SPATA17: variants seen among roughly 807,000 people sequenced by gnomAD.
The protein encoded by SPATA17 is spermatogenesis associated 17, also known as spermatogenesis-associated protein 17.
In SPATA17, 53 loss-of-function variants were observed where a neutral mutation model predicts 62.2. The observed-to-expected ratio is 0.85, with a 90% CI of 0.68 to 1.07. The LOEUF is 1.07. Ranked by LOEUF, SPATA17 falls within the 50% of genes least tolerant of loss-of-function variation. The pLI is 0.00. For missense variants in SPATA17, 466 were observed against 425.5 expected (o/e 1.10, Z -0.84); for synonymous variants, 146 against 146.8 (o/e 0.99, Z 0.04).
At chr1:217,801,670 A>C in intron 8 of SPATA17, 48 bp from the exon 9 acceptor site, 1 of 1,501,162 alleles carries the variant, frequency 6.7e-7, no homozygotes, top group South Asian at 1.2e-5. Flanking sequence ...TAAAAATCAA[A>C]TGTCTCTAGA....
chr1:217,771,442 A>G (rs1673442808), intron 6 of SPATA17, among the ~76,000 whole-genome samples: 1 of 152,158 alleles, frequency 6.6e-6, no homozygotes, highest in African/African-American at 2.4e-5. Context: ...ACCATTATTC[A>G]TAAGTGGCTT....
intron 5 of SPATA17, among the ~76,000 whole-genome samples, chr1:217,709,958 G>A (rs1027278641): frequency 6.6e-5 from 10 of 152,164 alleles, no homozygotes; most frequent in Admixed American, 2.6e-4. Flanking sequence ...GAAAGATCTA[G>A]TCCAATCCTC....
intron 5 of SPATA17, among the ~76,000 whole-genome samples, chr1:217,700,769 T>TTC (rs1671578747): frequency 6.7e-6 from 1 of 149,210 alleles, no homozygotes; most frequent in African/African-American, 2.4e-5. Flanking sequence ...TTTCTTTTTT[T>TTC]TTTTTTTTGT....
chr1:217,743,949 C>A (rs1418578698), intron 6 of SPATA17, among the ~76,000 whole-genome samples: 2 of 151,978 alleles, frequency 1.3e-5, no homozygotes, highest in African/African-American at 4.8e-5. Context: ...TTTGTTAATT[C>A]TGTTTTTTTC....
chr1:217,700,262 A>G (rs1671563588), intron 5 of SPATA17, among the ~76,000 whole-genome samples: 1 of 152,008 alleles, frequency 6.6e-6, no homozygotes, highest in Admixed American at 6.6e-5. Flanking sequence ...GAATTGATTC[A>G]TTTTCTTTTA....
chr1:217,807,226 G>A (rs768833777), intron 9 of SPATA17, among the ~76,000 whole-genome samples: 1 of 140,322 alleles, frequency 7.1e-6, no homozygotes, highest in Admixed American at 7.1e-5. Flanking sequence ...CATAAAGATG[G>A]AAACAATAGA....
intron 9 of SPATA17, 47 bp from the exon 10 acceptor site, chr1:217,862,727 A>G: frequency 7.5e-7 from 1 of 1,330,854 alleles, no homozygotes; most frequent in Non-Finnish European, 1.1e-6. Flanking sequence ...GTAATAACAT[A>G]AAATCATGAA....
intron 3 of SPATA17, among the ~76,000 whole-genome samples, chr1:217,666,013 C>A (rs1268996798): frequency 6.6e-6 from 1 of 151,258 alleles, no homozygotes; most frequent in Non-Finnish European, 1.5e-5. Context: ...GTTCTTTTCC[C>A]CTCCCTCTTT....
chr1:217,724,364 G>T (rs1423543542), intron 5 of SPATA17, among the ~76,000 whole-genome samples: 2 of 152,216 alleles, frequency 1.3e-5, no homozygotes, highest in South Asian at 4.1e-4. Context: ...GAGGTGGGTG[G>T]ATCAGGTGAG....
intron 6 of SPATA17, among the ~76,000 whole-genome samples, chr1:217,742,643 G>A (rs2102948627): frequency 6.6e-6 from 1 of 152,258 alleles, no homozygotes; most frequent in East Asian, 1.9e-4. Flanking sequence ...TTGCTAAAAT[G>A]TCAATACCCT....
chr1:217,698,547 C>G (rs928044280), intron 5 of SPATA17, among the ~76,000 whole-genome samples: 1 of 150,524 alleles, frequency 6.6e-6, no homozygotes, highest in African/African-American at 2.5e-5. Flanking sequence ...TAGCCTTTGC[C>G]TTTGAGACAA....
chr1:217,814,190 AT>A (rs1418433905), intron 9 of SPATA17, among the ~76,000 whole-genome samples: 2 of 152,214 alleles, frequency 1.3e-5, no homozygotes, highest in Non-Finnish European at 2.9e-5. Flanking sequence ...ATTCTAAAAT[AT>A]TTCATTTAAG....
chr1:217,770,978 A>ATTTTGTTTTTTTTTTTTTTTTTTTTTTTT (rs1673425241), intron 6 of SPATA17, among the ~76,000 whole-genome samples: 1 of 50,148 alleles, frequency 2.0e-5, no homozygotes, highest in Admixed American at 3.9e-4. Context: ...AACTCATTGC[A>ATTTTGTTTTTTTTTTTTTTTTTTTTTTTT]TTTTTTTTTT....
Position 217,782,254 on chromosome 1 carries a change from C to T in SPATA17, c.804C>T (p.Ile268=), listed in dbSNP as rs200682823. Residue 268 remains isoleucine, a synonymous_variant, in exon 8 of 11, where the codon ATC becomes ATT. Coordinates refer to ENST00000366933, the MANE Select transcript of SPATA17 (RefSeq NM_138796.4). ...LEPTLRVAEP[I]DELKLAREEL... ...CAACGTTGCGGGTGGCAGAACCAAT[C>T]GATGAGTTAAAGTTGGCCAGAGAGG... is the stretch of plus-strand genomic sequence containing the variant. 51 of 1,612,732 alleles carry T rather than the reference C, an allele frequency of 3.2e-5. No homozygotes were observed. The East Asian group carries it at 8.5e-4, about 27-fold the overall frequency.
At chr1:217,832,877 G>A (rs769374992) in intron 9 of SPATA17, among the ~76,000 whole-genome samples, 4 of 151,800 alleles carry the variant, frequency 2.6e-5, no homozygotes, top group Admixed American at 1.3e-4. Flanking sequence ...TGGGGAGATC[G>A]AGGCTGCAGT....
chr1:217,762,622 G>A (rs951536521), intron 6 of SPATA17, among the ~76,000 whole-genome samples: 2 of 152,152 alleles, frequency 1.3e-5, no homozygotes, highest in African/African-American at 4.8e-5. Context: ...TGCCAGTTAT[G>A]GAGATAAGCA....
chr1:217,803,404 C>T lies in SPATA17; in HGVS notation c.1005+1554C>T, dbSNP rs142486288. Among the ~76,000 whole-genome samples the T allele has an allele frequency of 7.3e-3, 1,117 of 152,202 alleles. 13 individuals are homozygous for T. Among genetic ancestry groups the T allele is most frequent in the Non-Finnish European group, 8.9e-3 (605 of 67,988 alleles). On this transcript the variant is annotated intron_variant, in intron 9 of 10. Transcript: ENST00000366933. ...GACTGTTAGAACTAATAAACAAATG[C>T]AATAATGTTTCAGCATACAAAATTA...
In SPATA17 at chr1:217,665,142, T is replaced by C. The variant is rs1216693014; in HGVS notation, c.241-3891T>C. 4 of 152,198 alleles carry C rather than the reference T, an allele frequency of 2.6e-5. No individual in the cohort carries two copies. In the East Asian group the frequency reaches 7.7e-4, roughly 29 times the overall value. 9.4% of individuals were successfully genotyped at this position (152,198 alleles called of 1,614,324 possible). On this transcript the variant is annotated intron_variant, in intron 3 of 10. Coordinates refer to ENST00000366933, the MANE Select transcript of SPATA17 (RefSeq NM_138796.4). ...AGTTCTCATTTGTCCCCCACCCACG[T>C]TGTAATTCACTTGATAGAGAAAAAA...
rs200885875 is a variant in SPATA17, at chr1:217,689,221, C to CTTTT, written c.395+5879_395+5882dup. Among the ~76,000 whole-genome samples, 118 of 102,590 alleles carry CTTTT rather than the reference C, an allele frequency of 1.2e-3. 5 individuals are homozygous for CTTTT. Among genetic ancestry groups the CTTTT allele is most frequent in the East Asian group, 1.3e-3 (4 of 2,988 alleles). 67.3% of individuals were successfully genotyped at this position (102,590 alleles called of 152,430 possible). Reference sequence around the variant, plus strand: ...ACAAATCAGATAGCATTTATTATGTCTTTTTTTTTTTTTTTTTTTTTTGAG... The same window carrying CTTTT: ...ACAAATCAGATAGCATTTATTATGTCTTTTTTTTTTTTTTTTTTTTTTTTTTGAG... On this transcript the variant is annotated intron_variant, in intron 5 of 10. Coordinates refer to ENST00000366933, the MANE Select transcript of SPATA17 (RefSeq NM_138796.4).
Sources: gnomAD v4.1 joint callset for allele counts (sites outside exome capture counted in the v4.1 genomes callset) on GRCh38, gnomAD v4.1.1 for gene constraint, MANE v1.5 for transcripts, NCBI Gene and HGNC (gene_info 2026-07-23, HGNC 2026-07-21) for gene names.